EIF4E: variants seen among roughly 807,000 people sequenced by gnomAD.
EIF4E encodes the protein eukaryotic translation initiation factor 4E.
For synonymous variants in EIF4E, 71 were observed against 88.5 expected, an observed-to-expected ratio of 0.80 and a Z score of 1.11; for missense variants, 113 against 265.6, an observed-to-expected ratio of 0.43 and a Z score of 3.99.
chr4:98,926,862 T>C (rs1403237654), intron 1 of EIF4E, among the ~76,000 whole-genome samples: 1 of 152,226 alleles, frequency 6.6e-6, no homozygotes, highest in Non-Finnish European at 1.5e-5. Context: ...ACTCAAAATA[T>C]AGTCCTTCAT....
chr4:98,883,530 C>T (rs1375104047), intron 6 of EIF4E, among the ~76,000 whole-genome samples: 3 of 150,796 alleles, frequency 2.0e-5, no homozygotes, highest in Non-Finnish European at 2.9e-5. Flanking sequence ...TCCCAAGTAG[C>T]TGGAACTACA....
chr4:98,888,030 G>A lies in EIF4E; in HGVS notation c.222-78C>T, dbSNP rs1300242556. 5.9e-6 allele frequency: 7 copies of A among 1,184,164 alleles called. No homozygotes were observed. In the East Asian group the frequency reaches 1.3e-4, roughly 21 times the overall value. The allele number at this position is 1,184,164 out of a possible 1,614,324, so 73.4% of individuals were successfully genotyped here. A position where few individuals can be genotyped will look rare whatever the true frequency, so the allele number is the denominator to read the frequency against. On this transcript the variant is annotated intron_variant, in intron 3 of 6. Coordinates refer to ENST00000450253, the MANE Select transcript of EIF4E (RefSeq NM_001968.5). ...AGGTGCTTACATATATATACATTTAGAACATATGATGAAAATAAACAGATA... is the reference window on the plus strand; with the variant it reads ...AGGTGCTTACATATATATACATTTAAAACATATGATGAAAATAAACAGATA...
intron 1 of EIF4E, chr4:98,926,577 A>G (rs1204938560): frequency 6.6e-6 from 1 of 152,132 alleles, no homozygotes; most frequent in African/African-American, 2.4e-5. Flanking sequence ...CTAAAACTAA[A>G]CACTTCGATA....
chr4:98,924,048 G>A (rs768584871), intron 1 of EIF4E, among the ~76,000 whole-genome samples: 2 of 151,888 alleles, frequency 1.3e-5, no homozygotes, highest in Admixed American at 6.6e-5. Flanking sequence ...GCAACTCACC[G>A]GTACTAATAG....
At position 98,892,332 on chromosome 4, in the gene EIF4E, A is replaced by C. The variant is rs549134349; in HGVS notation, c.126-1000T>G. Reference sequence around the variant, plus strand: ...GCGAAATTCCATCTCAAAAAACAAAAAAACAAACAAAAAAAAAAAACAAAA... The same window carrying C: ...GCGAAATTCCATCTCAAAAAACAAACAAACAAACAAAAAAAAAAAACAAAA... On this transcript the variant is annotated intron_variant, in intron 2 of 6. Coordinates refer to ENST00000450253, the MANE Select transcript of EIF4E (RefSeq NM_001968.5). 5.5e-3 allele frequency among the ~76,000 whole-genome samples: 830 copies of C among 149,626 alleles called. 18 individuals are homozygous for C. The highest frequency in any genetic ancestry group is 7.1e-3 in the Non-Finnish European group (481 of 67,472).
chr4:98,913,226 A>G (rs575571725), intron 1 of EIF4E, among the ~76,000 whole-genome samples: 19 of 152,052 alleles, frequency 1.2e-4, no homozygotes, highest in African/African-American at 4.1e-4. Flanking sequence ...AAAAAATTCT[A>G]TGTGTTCATT....
At chr4:98,885,131 T>C in intron 5 of EIF4E, 70 bp from the exon 6 acceptor site, 1 of 1,521,172 alleles carries the variant, frequency 6.6e-7, no homozygotes, top group Non-Finnish European at 8.9e-7. Flanking sequence ...ATGTCTCTTC[T>C]GTATTTGCAT....
intron 1 of EIF4E, among the ~76,000 whole-genome samples, chr4:98,902,361 C>T (rs890780502): frequency 6.6e-6 from 1 of 152,244 alleles, no homozygotes; most frequent in African/African-American, 2.4e-5. Context: ...TGAGCCACCA[C>T]ACCCGGCACT....
intron 1 of EIF4E, chr4:98,903,355 T>G: frequency 2.4e-6 from 1 of 418,866 alleles, no homozygotes; most frequent in South Asian, 1.7e-5. Flanking sequence ...TTTGAAAGAA[T>G]ATGGGTTTTT....
At chr4:98,923,314 T>A (rs1345032858) in intron 1 of EIF4E, among the ~76,000 whole-genome samples, 1 of 147,290 alleles carries the variant, frequency 6.8e-6, no homozygotes, top group African/African-American at 2.6e-5. Flanking sequence ...AATCATTTTC[T>A]TTTTCTTTTT....
chr4:98,886,822 T>C (rs150031929), intron 5 of EIF4E: 48 of 447,430 alleles, frequency 1.1e-4, no homozygotes, highest in African/African-American at 8.4e-4. Context: ...TTGAGGTTAA[T>C]GAAATGACCA....
chr4:98,900,362 G>A (rs1030587893), intron 2 of EIF4E, among the ~76,000 whole-genome samples: 2 of 152,006 alleles, frequency 1.3e-5, no homozygotes, highest in Non-Finnish European at 2.9e-5. Context: ...CCTCACTGGA[G>A]GATATACTGA....
chr4:98,888,082 G>A, intron 3 of EIF4E, 130 bp from the exon 4 acceptor site: 1 of 798,994 alleles, frequency 1.3e-6, no homozygotes, highest in South Asian at 1.9e-5. Flanking sequence ...TGTTTCTAAG[G>A]AGTCAATTTC....
chr4:98,891,267 G>T lies in EIF4E; in HGVS notation c.191C>A (p.Ser64Tyr). ...AAAGTCTTCAACAGTATCAAACTTG[G>T]AGATCAGCCGCAGGTTTGCTTGCCA... ...KTWQANLRLI[S>Y]KFDTVEDFWA... is the part of the protein sequence containing the mutation. Residue 64 changes from serine (S) to tyrosine (Y), a missense_variant, in exon 3 of 7, where the codon TCC (serine) becomes TAC (tyrosine). Ser to Tyr is a moderately radical substitution (Grantham distance 144). Transcript: ENST00000450253. The T allele has an allele frequency of 6.2e-7, 1 of 1,614,070 alleles. No homozygotes were observed. The highest frequency in any genetic ancestry group is 8.5e-7 in the Non-Finnish European group (1 of 1,180,018).
rs11408890 is a variant in EIF4E, at chr4:98,883,393, A to ATTTTTT, written c.539+1523_539+1528dup. Among the ~76,000 whole-genome samples, 303 of 103,846 alleles carry ATTTTTT rather than the reference A, an allele frequency of 2.9e-3. 2 individuals are homozygous for ATTTTTT. The highest frequency in any genetic ancestry group is 8.2e-3 in the Middle Eastern group (1 of 122). The allele number at this position is 103,846 out of a possible 152,430, so 68.1% of individuals were successfully genotyped here. ...ATTTTAACATAAAATTGTAAGTCAA[A>ATTTTTT]TTTTTTTTTTTTTTTTTTTTTTTGT... On this transcript the variant is annotated intron_variant, in intron 6 of 6. Coordinates refer to ENST00000450253, the MANE Select transcript of EIF4E (RefSeq NM_001968.5).
At chr4:98,921,125 C>G (rs1196847336) in intron 1 of EIF4E, among the ~76,000 whole-genome samples, 1 of 152,050 alleles carries the variant, frequency 6.6e-6, no homozygotes. Context: ...ACTATGTGAC[C>G]GTGGTAGAAA....
intron 1 of EIF4E, among the ~76,000 whole-genome samples, chr4:98,912,290 C>T (rs943274757): frequency 2.7e-5 from 4 of 149,908 alleles, no homozygotes; most frequent in African/African-American, 9.8e-5. Context: ...GAAAAATTTA[C>T]ATACGGCCAG....
rs550238233 is a variant in EIF4E, at chr4:98,879,741, C to T, written c.*1287G>A. The T allele has an allele frequency of 9.2e-5, 14 of 152,198 alleles. No homozygotes were observed. The South Asian group carries it at 2.9e-3, about 32-fold the overall frequency. The allele number at this position is 152,198 out of a possible 1,614,324, so 9.4% of individuals were successfully genotyped here. ...TTTTACAACCACTGTTGCTACCAATCAAATGGTGATGCATCAGATCCCAAT... is the reference window on the plus strand; with the variant it reads ...TTTTACAACCACTGTTGCTACCAATTAAATGGTGATGCATCAGATCCCAAT... On this transcript the variant is annotated 3_prime_UTR_variant, in exon 7 of 7. Coordinates refer to ENST00000450253, the MANE Select transcript of EIF4E (RefSeq NM_001968.5).
chr4:98,917,844 G>A (rs1485882789), intron 1 of EIF4E, among the ~76,000 whole-genome samples: 1 of 151,858 alleles, frequency 6.6e-6, no homozygotes, highest in African/African-American at 2.4e-5. Context: ...GGGAGGCCAA[G>A]GCAGTAGGAC....
Sources: gnomAD v4.1 joint callset for allele counts (sites outside exome capture counted in the v4.1 genomes callset) on GRCh38, gnomAD v4.1.1 for gene constraint, MANE v1.5 for transcripts, NCBI Gene and HGNC (gene_info 2026-07-23, HGNC 2026-07-21) for gene names.